Variants in PIN4 observed in about 807,000 individuals in gnomAD.
The protein encoded by PIN4 is peptidylprolyl cis/trans isomerase, NIMA-interacting 4, also known as peptidyl-prolyl cis-trans isomerase NIMA-interacting 4.
PIN4 carries 3 observed loss-of-function variants against 8.3 expected under a neutral mutation model. That is an observed-to-expected ratio of 0.36 (90% CI 0.16 to 0.93). The LOEUF is 0.93. PIN4 is among the 40% of genes least tolerant of loss of function. The pLI is 0.44. For missense variants in PIN4, 75 were observed against 100.6 expected, an observed-to-expected ratio of 0.75 and a Z score of 1.09; for synonymous variants, 18 against 32.5, an observed-to-expected ratio of 0.55 and a Z score of 1.52.
intron 3 of PIN4, chrX:72,205,840 T>C: frequency 7.4e-6 from 9 of 1,211,855 alleles, no homozygotes; most frequent in Non-Finnish European, 1.0e-5. Flanking sequence ...ATTTTCTTTC[T>C]CAACATGCTC....
chrX:72,238,417 T>C (rs898447130), intron 3 of PIN4, among the ~76,000 whole-genome samples: 1 of 111,544 alleles, frequency 9.0e-6, no homozygotes, highest in Non-Finnish European at 1.9e-5. Context: ...TGCACGTACA[T>C]TATACCTCTT....
At chrX:72,245,069 C>CAAAAAA (rs35952560) in intron 3 of PIN4, among the ~76,000 whole-genome samples, 3 of 19,745 alleles carry the variant, frequency 1.5e-4, no homozygotes, top group African/African-American at 4.1e-4. Flanking sequence ...GAGATCCTGT[C>CAAAAAA]AAAAAAAAAA....
intron 3 of PIN4, among the ~76,000 whole-genome samples, chrX:72,260,658 CAGTG>C (rs1325799478): frequency 8.9e-6 from 1 of 111,997 alleles, no homozygotes; most frequent in African/African-American, 3.2e-5. Flanking sequence ...AGTGTGAACT[CAGTG>C]GGTGTCTCTC....
intron 3 of PIN4, among the ~76,000 whole-genome samples, chrX:72,226,491 T>G (rs1394311154): frequency 8.9e-6 from 1 of 112,046 alleles, no homozygotes; most frequent in Non-Finnish European, 1.9e-5. Context: ...TATAACACCA[T>G]CCATTCCAAT....
downstream of PIN4, among the ~76,000 whole-genome samples, chrX:72,203,031 T>C (rs1407640804): frequency 9.0e-6 from 1 of 111,153 alleles, no homozygotes; most frequent in East Asian, 2.9e-4. Context: ...AGAGGGAACG[T>C]TCAGCCCTAA....
At chrX:72,254,172 C>T (rs2043099402) in intron 3 of PIN4, among the ~76,000 whole-genome samples, 1 of 111,434 alleles carries the variant, frequency 9.0e-6, no homozygotes, top group Non-Finnish European at 1.9e-5. Context: ...AAATCTCACC[C>T]TTTTTCTTCA....
intron 2 of PIN4, among the ~76,000 whole-genome samples, chrX:72,193,028 C>T (rs186665279): frequency 2.4e-4 from 27 of 111,596 alleles, no homozygotes; most frequent in African/African-American, 8.8e-4. Flanking sequence ...TTCCACACTT[C>T]AGCTGCCACC....
chrX:72,225,329 G>A (rs1038162649), intron 3 of PIN4, among the ~76,000 whole-genome samples: 4 of 111,967 alleles, frequency 3.6e-5, no homozygotes, highest in Non-Finnish European at 5.6e-5. Context: ...ACCTCTCCCA[G>A]CTACATCTAC....
intron 3 of PIN4, among the ~76,000 whole-genome samples, chrX:72,214,804 T>C (rs2042878578): frequency 9.0e-6 from 1 of 111,361 alleles, no homozygotes; most frequent in South Asian, 3.7e-4. Flanking sequence ...CCTGCCATCA[T>C]GGTGGAACAC....
At chrX:72,184,799 G>A (rs1159234785) in intron 1 of PIN4, among the ~76,000 whole-genome samples, 1 of 111,194 alleles carries the variant, frequency 9.0e-6, no homozygotes, top group Non-Finnish European at 1.9e-5. Flanking sequence ...CAGGCATTGT[G>A]CTAGGCTTGG....
downstream of PIN4, among the ~76,000 whole-genome samples, chrX:72,201,651 A>G (rs141985514): frequency 0.028 from 3,115 of 112,596 alleles, 77 homozygotes; most frequent in African/African-American, 0.082. Context: ...TCTTTATTAA[A>G]TACCTGGTAG....
At chrX:72,219,033 A>C (rs2042903849) in intron 3 of PIN4, among the ~76,000 whole-genome samples, 1 of 112,448 alleles carries the variant, frequency 8.9e-6, no homozygotes, top group African/African-American at 3.2e-5. Context: ...AGGTGGGCGG[A>C]CCACCTGAGG....
chrX:72,247,508 A>C (rs995345660), intron 3 of PIN4, among the ~76,000 whole-genome samples: 8 of 112,459 alleles, frequency 7.1e-5, no homozygotes, highest in Non-Finnish European at 1.1e-4. Context: ...GGTGCCTCTC[A>C]CAAAACCTGG....
At position 72,181,798 on chromosome X, in the gene PIN4, G is replaced by A. The variant is rs766793709; in HGVS notation, c.13G>A (p.Gly5Arg). Residue 5 changes from glycine to arginine, a missense_variant, in exon 1 of 4, where the codon GGA becomes AGA. Gly to Arg is a moderately radical substitution (Grantham distance 125). Coordinates refer to ENST00000373669, the MANE Select transcript of PIN4 (RefSeq NM_006223.4). MPPK[G>R]KSGSGKAGKG... ...ACAAGCTTCCAAGATGCCGCCCAAA[G>A]GAAAAAGTGGTTCTGGAAAAGCGGG... 45 of 1,183,531 alleles carry A rather than the reference G, an allele frequency of 3.8e-5. No individual in the cohort carries two copies. Among genetic ancestry groups the A allele is most frequent in the Non-Finnish European group, 5.7e-6 (5 of 872,260 alleles).
At chrX:72,213,654 A>G (rs766709825) in intron 3 of PIN4, among the ~76,000 whole-genome samples, 2 of 112,045 alleles carry the variant, frequency 1.8e-5, no homozygotes, top group Non-Finnish European at 3.8e-5. Context: ...GCCGCTCCCA[A>G]TCGGGCTAAA....
chrX:72,249,667 C>A (rs1256918476), intron 3 of PIN4, among the ~76,000 whole-genome samples: 1 of 111,848 alleles, frequency 8.9e-6, no homozygotes, highest in African/African-American at 3.2e-5. Flanking sequence ...ATAAGGCAAT[C>A]TCAGAATGTT....
chrX:72,215,135 G>T (rs1008213557), intron 3 of PIN4, among the ~76,000 whole-genome samples: 6 of 112,269 alleles, frequency 5.3e-5, no homozygotes, highest in Non-Finnish European at 7.5e-5. Flanking sequence ...GCATAAAAGA[G>T]TAGCAACAGT....
chrX:72,198,971 C>G (rs1011735245), downstream of PIN4: 1 of 111,600 alleles, frequency 9.0e-6, no homozygotes, highest in African/African-American at 3.3e-5. Flanking sequence ...GTCAAAACTC[C>G]GGTGCTGATT....
chrX:72,229,433 A>G, intron 3 of PIN4, among the ~76,000 whole-genome samples: 1 of 111,734 alleles, frequency 8.9e-6, no homozygotes, highest in Non-Finnish European at 1.9e-5. Flanking sequence ...ATTGCATTAA[A>G]TGTGTAAAAA....
Sources: gnomAD v4.1 joint callset for allele counts (sites outside exome capture counted in the v4.1 genomes callset) on GRCh38, gnomAD v4.1.1 for gene constraint, MANE v1.5 for transcripts, NCBI Gene and HGNC (gene_info 2026-07-23, HGNC 2026-07-21) for gene names.